Variants in TENM4 observed in about 807,000 individuals in gnomAD.
TENM4 encodes the protein teneurin transmembrane protein 4.
Under a neutral mutation model 243.3 loss-of-function variants are expected in TENM4, and 82 were observed. That is an observed-to-expected ratio of 0.34 (90% CI 0.28 to 0.40). TENM4 has a LOEUF of 0.40. Ranked by LOEUF, TENM4 falls within the 10% of genes least tolerant of loss-of-function variation. TENM4 has a pLI of 1.00. For synonymous variants in TENM4, 1,412 were observed against 1,456.3 expected, an observed-to-expected ratio of 0.97 and a Z score of 0.69; for missense variants, 3,138 against 3,673.3, an observed-to-expected ratio of 0.85 and a Z score of 3.77.
At chr11:79,102,761 T>C (rs915674595) in intron 4 of TENM4, among the ~76,000 whole-genome samples, 8 of 152,242 alleles carry the variant, frequency 5.3e-5, no homozygotes, top group Non-Finnish European at 8.8e-5. Context: ...GCACTGTCCA[T>C]GTGGCCAGCT....
At chr11:79,130,769 G>A (rs1486435281) in intron 4 of TENM4, among the ~76,000 whole-genome samples, 1 of 152,144 alleles carries the variant, frequency 6.6e-6, no homozygotes, top group Admixed American at 6.5e-5. Flanking sequence ...CTTGCAGTGA[G>A]CCGAGATTGC....
chr11:79,355,551 A>AACCCTCTCTGTTCTCTGG (rs1565312495), intron 1 of TENM4, among the ~76,000 whole-genome samples: 15 of 100,308 alleles, frequency 1.5e-4, no homozygotes, highest in South Asian at 3.4e-4. Context: ...CAAACAAACA[A>AACCCTCTCTGTTCTCTGG]AACAATTGAA....
At chr11:78,972,344 C>A (rs1857562987) in intron 6 of TENM4, among the ~76,000 whole-genome samples, 1 of 152,068 alleles carries the variant, frequency 6.6e-6, no homozygotes, top group Non-Finnish European at 1.5e-5. Flanking sequence ...AGGAGCGGGT[C>A]CCAGGCCATT....
At chr11:78,916,107 A>G (rs1208995686) in intron 6 of TENM4, among the ~76,000 whole-genome samples, 1 of 152,242 alleles carries the variant, frequency 6.6e-6, no homozygotes, top group Non-Finnish European at 1.5e-5. Context: ...CACAGTGGCC[A>G]GGAGGTTGAG....
At chr11:78,674,391 G>C (rs1858412075) in intron 30 of TENM4, among the ~76,000 whole-genome samples, 1 of 152,190 alleles carries the variant, frequency 6.6e-6, no homozygotes, top group African/African-American at 2.4e-5. Flanking sequence ...ATCTCAGGTT[G>C]GGAGAGGGAC....
rs372287680 is a variant in TENM4 at position 78,932,432 on chromosome 11, A to G, written c.494-28909T>C. On this transcript the variant is annotated intron_variant, in intron 6 of 33. Transcript: ENST00000278550. ...TGGGAGATGGCTCCGTGAGCATGAG[A>G]TGGGATTAGGGGGAGGCCAGAAGGG... 3.2e-4 allele frequency among the ~76,000 whole-genome samples: 48 copies of G among 152,172 alleles called. No homozygotes were observed. In the East Asian group the frequency reaches 3.5e-3, roughly 11 times the overall value.
rs1452614939 is a variant in TENM4 at position 78,656,365 on chromosome 11, A to C, written c.*1693T>G. ...TTCTAAGAAGCCCAGCTTAAAAGGA[A>C]GCATTTGGCTTCCCCTCCCATCTCC... On this transcript the variant is annotated 3_prime_UTR_variant, in exon 34 of 34. Transcript: ENST00000278550. 4 of 152,260 alleles carry C rather than the reference A, an allele frequency of 2.6e-5. No individual in the cohort carries two copies. The highest frequency in any genetic ancestry group is 5.9e-5 in the Non-Finnish European group (4 of 68,048). The allele number at this position is 152,260 out of a possible 1,614,324, so 9.4% of individuals were successfully genotyped here. A position where few individuals can be genotyped will look rare whatever the true frequency, so the allele number is the denominator to read the frequency against.
At chr11:79,100,041 A>G (rs1028154195) in intron 4 of TENM4, among the ~76,000 whole-genome samples, 4 of 152,120 alleles carry the variant, frequency 2.6e-5, no homozygotes, top group Non-Finnish European at 5.9e-5. Context: ...ATCTTTAGCA[A>G]TCTTTGCCTG....
At chr11:79,359,175 A>C (rs568035790) in intron 1 of TENM4, among the ~76,000 whole-genome samples, 60 of 152,276 alleles carry the variant, frequency 3.9e-4, no homozygotes, top group African/African-American at 1.4e-3. Flanking sequence ...CTGAGGCAGG[A>C]GGATTCTTTG....
At chr11:78,926,369 G>A (rs762817260) in intron 6 of TENM4, among the ~76,000 whole-genome samples, 49 of 151,626 alleles carry the variant, frequency 3.2e-4, no homozygotes, top group Non-Finnish European at 6.2e-4. Context: ...TGCCTCCCGG[G>A]TTCAAGCGAT....
chr11:78,785,407 A>G (rs1424532204), intron 16 of TENM4, among the ~76,000 whole-genome samples: 1 of 152,194 alleles, frequency 6.6e-6, no homozygotes, highest in Non-Finnish European at 1.5e-5. Flanking sequence ...CACAGTCTCC[A>G]GGAGGGACAG....
rs948390766 is a variant in TENM4 at position 79,405,683 on chromosome 11, C to CAT, written c.-321+34824_-321+34825dup. Among the ~76,000 whole-genome samples, 12 of 151,900 alleles carry CAT rather than the reference C, an allele frequency of 7.9e-5. 1 individual carries two copies. The highest frequency in any genetic ancestry group is 3.9e-4 in the Admixed American group (6 of 15,262). On this transcript the variant is annotated intron_variant, in intron 1 of 33. Transcript: ENST00000278550. The stretch of plus-strand genomic sequence containing the variant: ...GTTTCTCTACATCTCTACAGTTCCC[C>CAT]ATATATATCATTTTGAATAGATATA...
At chr11:79,086,828 T>A (rs538639623) in intron 4 of TENM4, among the ~76,000 whole-genome samples, 4 of 121,034 alleles carry the variant, frequency 3.3e-5, no homozygotes, top group African/African-American at 6.6e-5. Context: ...AGCAAGACTC[T>A]GTCTCGCAAA....
At chr11:78,958,173 A>C (rs1397891234) in intron 6 of TENM4, among the ~76,000 whole-genome samples, 3 of 152,220 alleles carry the variant, frequency 2.0e-5, no homozygotes, top group Admixed American at 2.0e-4. Context: ...GCACATAGAA[A>C]GTCCTTATTA....
intron 12 of TENM4, among the ~76,000 whole-genome samples, chr11:78,825,320 T>C (rs1252618315): frequency 6.6e-6 from 1 of 152,230 alleles, no homozygotes; most frequent in African/African-American, 2.4e-5. Flanking sequence ...AACCACCATA[T>C]ATATGCACCT....
intron 32 of TENM4, among the ~76,000 whole-genome samples, chr11:78,665,157 TTTTC>T (rs965500915): frequency 1.2e-4 from 18 of 152,128 alleles, no homozygotes; most frequent in East Asian, 3.9e-4. Context: ...CTTTCTTTTC[TTTTC>T]TTTCTTTCTC....
intron 1 of TENM4, among the ~76,000 whole-genome samples, chr11:79,430,210 A>G (rs11237832): frequency 1.7e-5 from 1 of 58,106 alleles, no homozygotes; most frequent in Non-Finnish European, 3.6e-5. Context: ...AAGAAAAAAG[A>G]AAAAAAAAAG....
intron 32 of TENM4, among the ~76,000 whole-genome samples, chr11:78,668,416 A>G (rs2135664721): frequency 6.6e-6 from 1 of 152,336 alleles, no homozygotes; most frequent in Middle Eastern, 3.4e-3. Flanking sequence ...GTAACATGTC[A>G]TGGCTTCAAA....
intron 1 of TENM4, among the ~76,000 whole-genome samples, chr11:79,334,531 A>G (rs979444223): frequency 1.3e-5 from 2 of 152,156 alleles, no homozygotes; most frequent in Non-Finnish European, 2.9e-5. Flanking sequence ...TGTCAGGGTA[A>G]AATCCCATTC....
Sources: gnomAD v4.1 joint callset for allele counts (sites outside exome capture counted in the v4.1 genomes callset) on GRCh38, gnomAD v4.1.1 for gene constraint, MANE v1.5 for transcripts, NCBI Gene and HGNC (gene_info 2026-07-23, HGNC 2026-07-21) for gene names.